Variants in CFAP54 observed in about 807,000 individuals in gnomAD.
CFAP54 encodes the protein cilia and flagella associated protein 54.
A neutral mutation model predicts 370.4 loss-of-function variants in CFAP54; 290 were observed. That is an observed-to-expected ratio of 0.78 (90% CI 0.71 to 0.86). The LOEUF (loss-of-function observed/expected upper bound fraction) is 0.86, where lower values mean the gene tolerates loss of function less well. Ranked by LOEUF, CFAP54 falls within the 40% of genes least tolerant of loss-of-function variation. The pLI, the probability that CFAP54 is intolerant of heterozygous loss-of-function variation, is 0.00. For missense variants in CFAP54, 3,399 were observed against 3,528.7 expected, an observed-to-expected ratio of 0.96 and a Z score of 0.93; for synonymous variants, 1,206 against 1,236.5, an observed-to-expected ratio of 0.98 and a Z score of 0.52.
At position 96,534,007 on chromosome 12, in the gene CFAP54, T is replaced by G. The variant is rs781194381; in HGVS notation, c.1539+34T>G. ...TGCAAAATTATCCTCCTGGTTTTTT[T>G]TTTGTTAAAATGACATCCAATTACT... On this transcript the variant is annotated intron_variant, in intron 10 of 67. Coordinates refer to ENST00000524981, the MANE Select transcript of CFAP54 (RefSeq NM_001306084.2). 2.7e-6 allele frequency: 4 copies of G among 1,498,504 alleles called. No individual in the cohort carries two copies. The South Asian group carries it at 3.9e-5, about 15-fold the overall frequency. The allele number at this position is 1,498,504 out of a possible 1,614,324, so 92.8% of individuals were successfully genotyped here.
chr12:96,614,292 G>A (rs563701904), intron 26 of CFAP54, among the ~76,000 whole-genome samples: 15 of 152,254 alleles, frequency 9.9e-5, no homozygotes, highest in African/African-American at 3.6e-4. Context: ...ATGCAGAAAA[G>A]GCCTTTGACA....
chr12:96,611,779 T>C, intron 26 of CFAP54, among the ~76,000 whole-genome samples: 1 of 151,420 alleles, frequency 6.6e-6, no homozygotes, highest in East Asian at 1.9e-4. Context: ...TGGATTGAAG[T>C]TGATTCGATC....
chr12:96,554,407 C>A, intron 16 of CFAP54, 97 bp downstream of exon 16: 2 of 1,367,460 alleles, frequency 1.5e-6, no homozygotes, highest in Non-Finnish European at 9.5e-7. Flanking sequence ...CTTGTGTTGG[C>A]TTACCTCTCA....
chr12:96,841,735 A>T (rs1388273518), intron 66 of CFAP54, among the ~76,000 whole-genome samples: 2 of 152,218 alleles, frequency 1.3e-5, no homozygotes, highest in African/African-American at 4.8e-5. Context: ...CCTTGCGAAC[A>T]AGTCATTAGT....
chr12:96,855,337 C>A (rs168775), intron 66 of CFAP54, among the ~76,000 whole-genome samples: 24,423 of 152,154 alleles, frequency 0.16, 2,158 homozygotes, highest in Middle Eastern at 0.27. Flanking sequence ...CACAATCAGG[C>A]CATCTAACAG....
At position 96,786,735 on chromosome 12, in the gene CFAP54, A is replaced by G; in HGVS notation, c.8516A>G (p.Tyr2839Cys). Residue 2839 changes from tyrosine to cysteine, a missense_variant, in exon 62 of 68, where the codon TAC becomes TGC. Tyr to Cys is a radical substitution (Grantham distance 194). Around this residue, in one of 3 missense-constraint regions of CFAP54, gnomAD observed 2,796 missense variants for 2,869.7 expected, o/e 0.97. Coordinates refer to ENST00000524981, the MANE Select transcript of CFAP54 (RefSeq NM_001306084.2). ...GATGATACACTTCTCACATCCCTTT[A>G]CAACTCTGAGTTGATTTTGCGCCAG... ...LPDDTLLTSL[Y>C]NSELILRQKE... 6.5e-7 allele frequency: 1 copy of G among 1,535,966 alleles called. No individual in the cohort carries two copies. The highest frequency in any genetic ancestry group is 8.7e-7 in the Non-Finnish European group (1 of 1,146,848).
intron 67 of CFAP54, among the ~76,000 whole-genome samples, chr12:96,865,880 A>G (rs1441872124): frequency 6.6e-6 from 1 of 152,130 alleles, no homozygotes; most frequent in African/African-American, 2.4e-5. Context: ...AACTATATAC[A>G]TATGCCCAAT....
At chr12:96,516,814 A>G (rs1172841590) in intron 5 of CFAP54, among the ~76,000 whole-genome samples, 1 of 152,202 alleles carries the variant, frequency 6.6e-6, no homozygotes, top group Non-Finnish European at 1.5e-5. Context: ...ACCATTACAC[A>G]AACTTTAAGT....
chr12:96,552,812 T>G (rs1023149241), intron 15 of CFAP54, among the ~76,000 whole-genome samples: 2 of 152,162 alleles, frequency 1.3e-5, no homozygotes, highest in African/African-American at 4.8e-5. Flanking sequence ...ACCTTCGCAT[T>G]ATAGGGGGGA....
chr12:96,808,004 A>G (rs1359598400), intron 63 of CFAP54, among the ~76,000 whole-genome samples: 3 of 152,192 alleles, frequency 2.0e-5, no homozygotes, highest in African/African-American at 7.2e-5. Context: ...CTATGTAAGT[A>G]TCATTCATGG....
intron 48 of CFAP54, among the ~76,000 whole-genome samples, chr12:96,715,965 CAAATT>C (rs1308624042): frequency 2.0e-5 from 3 of 152,142 alleles, no homozygotes; most frequent in Non-Finnish European, 4.4e-5. Context: ...CTACTCCACT[CAAATT>C]AAAGACTTTG....
At chr12:96,638,207 G>GAA (rs1209361877) in intron 32 of CFAP54, among the ~76,000 whole-genome samples, 1 of 75,732 alleles carries the variant, frequency 1.3e-5, no homozygotes, top group African/African-American at 5.1e-5. Context: ...ATATATGCAT[G>GAA]TGTGTGTGTG....
intron 48 of CFAP54, among the ~76,000 whole-genome samples, chr12:96,709,526 C>CA (rs1957586280): frequency 1.3e-5 from 2 of 151,968 alleles, no homozygotes; most frequent in South Asian, 4.2e-4. Context: ...CTTAGTTTGT[C>CA]AAGTTATTTT....
chr12:96,845,718 A>C (rs1959324090), intron 66 of CFAP54, among the ~76,000 whole-genome samples: 1 of 152,220 alleles, frequency 6.6e-6, no homozygotes, highest in African/African-American at 2.4e-5. Flanking sequence ...CCCTAATCCT[A>C]ATAAACTTTC....
intron 27 of CFAP54, among the ~76,000 whole-genome samples, chr12:96,622,716 G>C (rs772271449): frequency 2.6e-5 from 4 of 152,164 alleles, no homozygotes; most frequent in Non-Finnish European, 5.9e-5. Flanking sequence ...GGTGGGAGTA[G>C]AGACTCTCAT....
chr12:96,832,477 A>AGGTTGTTTGG (rs1168051399), intron 66 of CFAP54, among the ~76,000 whole-genome samples: 5 of 151,950 alleles, frequency 3.3e-5, no homozygotes, highest in African/African-American at 9.7e-5. Flanking sequence ...ACAAATTCCA[A>AGGTTGTTTGG]CCTCTCACAG....
chr12:96,851,623 T>G (rs1482395957), intron 66 of CFAP54, among the ~76,000 whole-genome samples: 1 of 152,056 alleles, frequency 6.6e-6, no homozygotes, highest in East Asian at 1.9e-4. Flanking sequence ...AATTAATAAT[T>G]TCTTTCTTCT....
At position 96,527,251 on chromosome 12, in the gene CFAP54, A is replaced by T; in HGVS notation, c.1164A>T (p.Ser388=). Residue 388 remains serine, a synonymous_variant, in exon 9 of 68, where the codon TCA becomes TCT. Transcript: ENST00000524981. The part of the protein sequence containing the change: ...RINLREVQTL[S]WPRTVTERLL... ...TTTTTTTTTCTCAATTTCAGTTATCATGGCCACGAACTGTCACAGAGCGGC... is the reference window on the plus strand; with the variant it reads ...TTTTTTTTTCTCAATTTCAGTTATCTTGGCCACGAACTGTCACAGAGCGGC... The T allele has an allele frequency of 6.7e-7, 1 of 1,502,414 alleles. No individual in the cohort carries two copies. Among genetic ancestry groups the T allele is most frequent in the Non-Finnish European group, 8.8e-7 (1 of 1,132,316 alleles). 93.1% of individuals were successfully genotyped at this position (1,502,414 alleles called of 1,614,324 possible).
intron 65 of CFAP54, among the ~76,000 whole-genome samples, chr12:96,820,501 C>T (rs1959020259): frequency 6.6e-6 from 1 of 152,140 alleles, no homozygotes; most frequent in South Asian, 2.1e-4. Context: ...TGTGCAAGTA[C>T]AGTTAGCCTT....
Sources: gnomAD v4.1 joint callset for allele counts (sites outside exome capture counted in the v4.1 genomes callset) on GRCh38, gnomAD v4.1.1 for gene constraint, gnomAD v4.1.1 regional missense constraint, MANE v1.5 for transcripts, NCBI Gene and HGNC (gene_info 2026-07-23, HGNC 2026-07-21) for gene names.